Variants in KDM5B observed in about 807,000 individuals in gnomAD.
The protein encoded by KDM5B is lysine demethylase 5B.
In KDM5B, 144 loss-of-function variants were observed where a neutral mutation model predicts 193.4. The observed-to-expected ratio is 0.74, with a 90% CI of 0.65 to 0.86. The LOEUF (loss-of-function observed/expected upper bound fraction) is 0.86, where lower values mean the gene tolerates loss of function less well. Ranked by LOEUF, KDM5B falls within the 40% of genes least tolerant of loss-of-function variation. KDM5B has a pLI of 0.00. For synonymous variants in KDM5B, 668 were observed against 682.6 expected (o/e 0.98, Z 0.33); for missense variants, 1,833 against 1,886.9 (o/e 0.97, Z 0.53).
At chr1:202,746,752 T>C (rs1655576841) in intron 14 of KDM5B, among the ~76,000 whole-genome samples, 1 of 152,188 alleles carries the variant, frequency 6.6e-6, no homozygotes, top group Non-Finnish European at 1.5e-5. Context: ...GGAAAGAAGA[T>C]GGGACGAGTG....
At chr1:202,803,830 A>G (rs1187920532) in intron 1 of KDM5B, among the ~76,000 whole-genome samples, 1 of 150,938 alleles carries the variant, frequency 6.6e-6, no homozygotes, top group Non-Finnish European at 1.5e-5. Flanking sequence ...TCTCAAAAAA[A>G]AAAGGTAGAC....
At chr1:202,767,747 ACAT>A (rs1349347347) in intron 4 of KDM5B, among the ~76,000 whole-genome samples, 1 of 152,164 alleles carries the variant, frequency 6.6e-6, no homozygotes, top group Non-Finnish European at 1.5e-5. Context: ...TTCATTGCTG[ACAT>A]CATCAGGTTA....
In KDM5B at chr1:202,729,128, G is replaced by A. The variant is rs1296482764; in HGVS notation, c.4543C>T (p.Gln1515Ter). The A allele has an allele frequency of 6.2e-7, 1 of 1,614,090 alleles. No individual in the cohort carries two copies. The highest frequency in any genetic ancestry group is 8.5e-7 in the Non-Finnish European group (1 of 1,179,986). The change falls in exon 27 of 27, where the codon CAG becomes TAG. Residue 1515 changes from glutamine (Q) to a stop codon, truncating the protein, a stop_gained. Transcript: ENST00000367265. LOFTEE classifies it high-confidence loss of function. ...TCTGGGGAGACACCAACACAGACCT[G>A]ATGAAACCACTGATTGCAGCTGCCA... ...CDGSCNQWFH[Q>*]VCVGVSPEMA... is the part of the protein sequence containing the mutation.
chr1:202,754,962 G>A (rs1655948998), intron 11 of KDM5B, among the ~76,000 whole-genome samples: 1 of 152,216 alleles, frequency 6.6e-6, no homozygotes, highest in African/African-American at 2.4e-5. Flanking sequence ...TGGGATTACA[G>A]GCGTGAGCCA....
chr1:202,801,612 T>C (rs1168639323), intron 1 of KDM5B, among the ~76,000 whole-genome samples: 1 of 98,384 alleles, frequency 1.0e-5, no homozygotes, highest in Non-Finnish European at 2.4e-5. Context: ...TACAATTTAA[T>C]TTTTCATTTA....
intron 2 of KDM5B, among the ~76,000 whole-genome samples, chr1:202,775,303 C>A (rs1427443156): frequency 6.7e-6 from 1 of 150,042 alleles, no homozygotes; most frequent in East Asian, 2.0e-4. Flanking sequence ...TTTGGGAGGC[C>A]GAGACGGGTG....
chr1:202,760,893 T>C (rs567615256), intron 7 of KDM5B, among the ~76,000 whole-genome samples: 1 of 152,226 alleles, frequency 6.6e-6, no homozygotes, highest in South Asian at 2.1e-4. Context: ...CCAAGAGTGG[T>C]GGCACGTGTC....
chr1:202,731,192 T>C, intron 24 of KDM5B, 129 bp from the exon 25 acceptor site: 2 of 666,382 alleles, frequency 3.0e-6, no homozygotes, highest in East Asian at 5.8e-5. Context: ...AAATTACAAA[T>C]TACCTTCAGT....
At chr1:202,802,643 T>C (rs1658123531) in intron 1 of KDM5B, among the ~76,000 whole-genome samples, 2 of 152,040 alleles carry the variant, frequency 1.3e-5, no homozygotes, top group Non-Finnish European at 2.9e-5. Context: ...TCCGCCCACT[T>C]AGGCCTCCCA....
intron 1 of KDM5B, among the ~76,000 whole-genome samples, chr1:202,792,213 T>G (rs1453501615): frequency 1.3e-5 from 2 of 152,116 alleles, no homozygotes; most frequent in African/African-American, 4.8e-5. Context: ...TTTATTTTGT[T>G]TTCTATATTT....
At chr1:202,755,919 C>G (rs1384051206) in intron 10 of KDM5B, among the ~76,000 whole-genome samples, 1 of 150,508 alleles carries the variant, frequency 6.6e-6, no homozygotes, top group Admixed American at 6.7e-5. Flanking sequence ...ATTCATCAGT[C>G]TGTATACATA....
Position 202,733,641 on chromosome 1 carries a change from C to T in KDM5B, c.3669G>A (p.Arg1223=). 1 of 1,614,144 alleles carries T rather than the reference C, an allele frequency of 6.2e-7. No homozygotes were observed. Among genetic ancestry groups the T allele is most frequent in the South Asian group, 1.1e-5 (1 of 91,076 alleles). The change falls in exon 23 of 27, where the codon AGG becomes AGA. Residue 1223 remains arginine, a synonymous_variant. Coordinates refer to ENST00000367265, the MANE Select transcript of KDM5B (RefSeq NM_006618.5). ...TTTTCTCTAATGGAGGTTTCTCTGA[C>T]CTCCGACAATGGGGACAAAGCCAGA... The part of the protein sequence containing the change: ...LRIWLCPHCR[R]SEKPPLEKIL...
At position 202,774,611 on chromosome 1, in the gene KDM5B, A is replaced by C. The variant is rs1272971484; in HGVS notation, c.405+2T>G. Reference sequence around the variant, plus strand: ...TAAGTAAGATGGTCATTAGCTCTTTACCTTATTAAGCTGAAATAAGTCCAA... The same window carrying C: ...TAAGTAAGATGGTCATTAGCTCTTTCCCTTATTAAGCTGAAATAAGTCCAA... On this transcript the variant is annotated splice_donor_variant, in intron 3 of 26. Transcript: ENST00000367265. LOFTEE classifies it high-confidence loss of function. 6.2e-7 allele frequency: 1 copy of C among 1,608,344 alleles called. No individual in the cohort carries two copies.
chr1:202,733,751 C>G lies in KDM5B; in HGVS notation c.3559G>C (p.Ala1187Pro). The G allele has an allele frequency of 6.2e-7, 1 of 1,614,166 alleles. No individual in the cohort carries two copies. The highest frequency in any genetic ancestry group is 8.5e-7 in the Non-Finnish European group (1 of 1,180,014). Residue 1187 changes from alanine to proline, a missense_variant, in exon 23 of 27, where the codon GCC (alanine) becomes CCC (proline). Ala to Pro is a conservative substitution (Grantham distance 27). Around this residue, in one of 3 missense-constraint regions of KDM5B, gnomAD observed 1,379 missense variants for 1,349.6 expected, o/e 1.02. Coordinates refer to ENST00000367265, the MANE Select transcript of KDM5B (RefSeq NM_006618.5). The stretch of plus-strand genomic sequence containing the variant: ...CAGAGTTCACATTGAATCATAGGGG[C>G]AGCTGGGGCCTTCTGACATAGGCAG... ...KICLCQKAPAAPMIQCELCRD... is the reference protein window; with the variant it reads ...KICLCQKAPAPPMIQCELCRD...
chr1:202,781,423 C>T (rs541310423), intron 1 of KDM5B, among the ~76,000 whole-genome samples: 68 of 152,216 alleles, frequency 4.5e-4, no homozygotes, highest in African/African-American at 1.6e-3. Flanking sequence ...ATCGGTAAGG[C>T]CTTCAAATGT....
At chr1:202,734,159 T>C (rs1307573177) in intron 22 of KDM5B, among the ~76,000 whole-genome samples, 1 of 152,072 alleles carries the variant, frequency 6.6e-6, no homozygotes, top group Non-Finnish European at 1.5e-5. Flanking sequence ...GCCTGGCACA[T>C]AGTAAACAAG....
At chr1:202,735,339 C>T (rs1655050759) in intron 22 of KDM5B, 90 bp downstream of exon 22, 5 of 1,377,602 alleles carry the variant, frequency 3.6e-6, no homozygotes, top group South Asian at 2.8e-5. Flanking sequence ...AGTTACTCTA[C>T]TTGCCTTCTC....
At chr1:202,757,286 G>A (rs948422867) in intron 9 of KDM5B, among the ~76,000 whole-genome samples, 1 of 152,152 alleles carries the variant, frequency 6.6e-6, no homozygotes, top group Non-Finnish European at 1.5e-5. Flanking sequence ...GCCACCGACT[G>A]GTATTGGTCA....
intron 21 of KDM5B, among the ~76,000 whole-genome samples, 194 bp from the exon 22 acceptor site, chr1:202,735,781 C>A (rs1655070205): frequency 6.6e-6 from 1 of 152,182 alleles, no homozygotes; most frequent in Non-Finnish European, 1.5e-5. Context: ...TAGACTGATT[C>A]CTTATTCAAT....
Sources: gnomAD v4.1 joint callset for allele counts (sites outside exome capture counted in the v4.1 genomes callset) on GRCh38, gnomAD v4.1.1 for gene constraint, gnomAD v4.1.1 regional missense constraint, MANE v1.5 for transcripts, NCBI Gene and HGNC (gene_info 2026-07-23, HGNC 2026-07-21) for gene names.